Variants in TBC1D32 observed in about 807,000 individuals in gnomAD.
TBC1D32 encodes TBC1 domain family member 32.
In TBC1D32, 151 loss-of-function variants were observed where a neutral mutation model predicts 170.3. That is an observed-to-expected ratio of 0.89 (90% confidence interval 0.78 to 1.01). TBC1D32 has a LOEUF of 1.01. TBC1D32 is among the 50% of genes least tolerant of loss of function. The pLI is 0.00. For synonymous variants in TBC1D32, 498 were observed against 488.0 expected, an observed-to-expected ratio of 1.02 and a Z score of -0.27; for missense variants, 1,464 against 1,457.1, an observed-to-expected ratio of 1.00 and a Z score of -0.08.
chr6:121,327,624 G>A (rs1563426602), intron 1 of TBC1D32, among the ~76,000 whole-genome samples: 1 of 152,160 alleles, frequency 6.6e-6, no homozygotes, highest in Non-Finnish European at 1.5e-5. Flanking sequence ...GTATGAGAGA[G>A]AATGGATAGA....
At chr6:121,099,695 T>C (rs1230487829) in intron 30 of TBC1D32, among the ~76,000 whole-genome samples, 1 of 151,890 alleles carries the variant, frequency 6.6e-6, no homozygotes, top group African/African-American at 2.4e-5. Context: ...AGCAATAAAA[T>C]GGTAAATAAT....
intron 30 of TBC1D32, among the ~76,000 whole-genome samples, chr6:121,103,340 T>C (rs1778340788): frequency 6.6e-6 from 1 of 151,704 alleles, no homozygotes; most frequent in Admixed American, 6.6e-5. Flanking sequence ...AACCCAAATA[T>C]CCATCAATGA....
chr6:121,271,265 C>T (rs1253907711), intron 15 of TBC1D32, among the ~76,000 whole-genome samples: 3 of 152,150 alleles, frequency 2.0e-5, no homozygotes, highest in African/African-American at 7.2e-5. Context: ...CTGGCCAGGG[C>T]AATCAGGCAG....
rs1785421999 is a variant in TBC1D32 at position 121,160,090 on chromosome 6, T to C, written c.2693A>G (p.Tyr898Cys). 1 of 1,601,806 alleles carries C rather than the reference T, an allele frequency of 6.2e-7. No homozygotes were observed. Among genetic ancestry groups the C allele is most frequent in the Non-Finnish European group, 8.5e-7 (1 of 1,170,552 alleles). The change falls in exon 24 of 32, where the codon TAT becomes TGT. Residue 898 changes from tyrosine (Y) to cysteine (C), a missense_variant. Tyr to Cys is a radical substitution (Grantham distance 194). This residue lies in a region of TBC1D32 where 1,363 missense variants were observed against 1,338.1 expected (regional missense o/e 1.02). Coordinates refer to ENST00000398212, the MANE Select transcript of TBC1D32 (RefSeq NM_152730.6). ...ATATGATGAAAACATTGGCCAAGGA[T>C]ATGGATTATCACTCTAAAAAAGAAG... ...PRLLEKSDNP[Y>C]PWPMFSSYPL...
intron 17 of TBC1D32, among the ~76,000 whole-genome samples, chr6:121,247,288 C>T (rs1797732234): frequency 6.6e-6 from 1 of 151,844 alleles, no homozygotes; most frequent in Admixed American, 6.6e-5. Flanking sequence ...AAATTTGCTA[C>T]CACCAAACAA....
At chr6:121,277,943 T>G (rs1014895305) in intron 15 of TBC1D32, among the ~76,000 whole-genome samples, 1 of 151,848 alleles carries the variant, frequency 6.6e-6, no homozygotes, top group Non-Finnish European at 1.5e-5. Context: ...TCACTACTCA[T>G]TTCAATGATA....
intron 21 of TBC1D32, 147 bp from the exon 22 acceptor site, chr6:121,205,310 G>A: frequency 6.8e-6 from 3 of 442,046 alleles, no homozygotes; most frequent in Non-Finnish European, 1.2e-5. Context: ...AGAAGAAGAA[G>A]AAGAAGAAGA....
chr6:121,140,836 C>T (rs1473229464), intron 24 of TBC1D32, among the ~76,000 whole-genome samples: 1 of 152,056 alleles, frequency 6.6e-6, no homozygotes, highest in Non-Finnish European at 1.5e-5. Flanking sequence ...GGAAGTCTAA[C>T]TCAAGAAGCT....
In TBC1D32 at chr6:121,186,527, G is replaced by A. The variant is rs139001526; in HGVS notation, c.2570+18548C>T. Reference sequence around the variant, plus strand: ...AAACAGAATGGGAAGAAGGGGAAAAGTTATAAATACCCACTAAAGCCATAC... The same window carrying A: ...AAACAGAATGGGAAGAAGGGGAAAAATTATAAATACCCACTAAAGCCATAC... On this transcript the variant is annotated intron_variant, in intron 22 of 31. Transcript: ENST00000398212. Among the ~76,000 whole-genome samples, 23 of 152,160 alleles carry A rather than the reference G, an allele frequency of 1.5e-4. No homozygotes were observed. In the East Asian group the frequency reaches 3.7e-3, roughly 24 times the overall value.
chr6:121,103,476 T>A (rs1778359675), intron 30 of TBC1D32, among the ~76,000 whole-genome samples: 3 of 150,712 alleles, frequency 2.0e-5, no homozygotes, highest in African/African-American at 7.3e-5. Context: ...CAGCAAACTA[T>A]TGCAAGGACA....
In TBC1D32 at chr6:121,295,546, T is replaced by C. The variant is rs530991357; in HGVS notation, c.1141-886A>G. ...TCTTAGAGTCAAGATTAAACTCTTT[T>C]TCAGCTAAGAAGGATATGGTTATGC... On this transcript the variant is annotated intron_variant, in intron 10 of 31. Coordinates refer to ENST00000398212, the MANE Select transcript of TBC1D32 (RefSeq NM_152730.6). Among the ~76,000 whole-genome samples, 349 of 152,186 alleles carry C rather than the reference T, an allele frequency of 2.3e-3. 1 individual carries two copies. The highest frequency in any genetic ancestry group is 7.9e-3 in the African/African-American group (327 of 41,544).
intron 3 of TBC1D32, 83 bp downstream of exon 3, chr6:121,317,412 A>T: frequency 8.6e-7 from 1 of 1,159,766 alleles, no homozygotes; most frequent in Non-Finnish European, 1.2e-6. Context: ...AAGGCAGGAA[A>T]AATATGGCTA....
intron 30 of TBC1D32, among the ~76,000 whole-genome samples, chr6:121,099,914 T>C (rs533394576): frequency 6.6e-6 from 1 of 152,054 alleles, no homozygotes; most frequent in African/African-American, 2.4e-5. Flanking sequence ...AATTACTAGA[T>C]GGATAGTCTC....
At chr6:121,132,819 T>A (rs1164435574) in intron 24 of TBC1D32, among the ~76,000 whole-genome samples, 1 of 151,922 alleles carries the variant, frequency 6.6e-6, no homozygotes, top group Non-Finnish European at 1.5e-5. Context: ...ATTTTATTTT[T>A]AAAAAATCAA....
intron 17 of TBC1D32, among the ~76,000 whole-genome samples, chr6:121,248,896 T>A (rs986028722): frequency 1.9e-4 from 29 of 151,986 alleles, no homozygotes; most frequent in Non-Finnish European, 2.2e-4. Context: ...ACAGTACCAA[T>A]CCTACTGAAA....
intron 24 of TBC1D32, among the ~76,000 whole-genome samples, chr6:121,143,100 C>G (rs1783002186): frequency 1.3e-5 from 2 of 152,074 alleles, no homozygotes; most frequent in African/African-American, 4.8e-5. Context: ...TAAGTTACAA[C>G]ATTAGTACGT....
rs1583817059 is a variant in TBC1D32 at position 121,333,995 on chromosome 6, A to C, written c.155+281T>G. Among the ~76,000 whole-genome samples, 3 of 152,182 alleles carry C rather than the reference A, an allele frequency of 2.0e-5. No homozygotes were observed. The East Asian group carries it at 5.8e-4, about 29-fold the overall frequency. On this transcript the variant is annotated intron_variant, in intron 1 of 31. Coordinates refer to ENST00000398212, the MANE Select transcript of TBC1D32 (RefSeq NM_152730.6). ...GGCTGGAGAATCGCTTGAACCCGGGAGGCGGAGGTTGTAGTGAGCGGAGAT... is the reference window on the plus strand; with the variant it reads ...GGCTGGAGAATCGCTTGAACCCGGGCGGCGGAGGTTGTAGTGAGCGGAGAT...
At chr6:121,123,407 G>C (rs191485374) in intron 26 of TBC1D32, among the ~76,000 whole-genome samples, 2 of 151,952 alleles carry the variant, frequency 1.3e-5, no homozygotes, top group Non-Finnish European at 2.9e-5. Context: ...TTATGAATCT[G>C]GGTGCTCCAG....
At position 121,331,375 on chromosome 6, in the gene TBC1D32, A is replaced by AT. The variant is rs5879594; in HGVS notation, c.155+2900dup. On this transcript the variant is annotated intron_variant, in intron 1 of 31. Transcript: ENST00000398212. ...CAGCACCCACTACCATGCCCGGCTA[A>AT]TTTTTTTTTTTTTTTTGTATTTTCA... Among the ~76,000 whole-genome samples the AT allele has an allele frequency of 9.3e-4, 129 of 139,376 alleles. 1 individual carries two copies. Among genetic ancestry groups the AT allele is most frequent in the East Asian group, 2.7e-3 (13 of 4,772 alleles). The allele number at this position is 139,376 out of a possible 152,430, so 91.4% of individuals were successfully genotyped here. A position where few individuals can be genotyped will look rare whatever the true frequency, so the allele number is the denominator to read the frequency against.
Sources: allele counts gnomAD v4.1 joint callset (sites outside exome capture counted in the v4.1 genomes callset), GRCh38; gene constraint gnomAD v4.1.1; regional missense constraint gnomAD v4.1.1; transcripts MANE v1.5; gene names NCBI Gene and HGNC (gene_info 2026-07-23, HGNC 2026-07-21).